CTNNA2: variants seen among roughly 807,000 people sequenced by gnomAD.
CTNNA2 encodes the protein catenin alpha-2.
In CTNNA2, 42 loss-of-function variants were observed where a neutral mutation model predicts 101.0. The ratio of observed to expected loss-of-function variants is 0.42; its 90% CI spans 0.32 to 0.54. The LOEUF is 0.54. Ranked by LOEUF, CTNNA2 falls within the 20% of genes least tolerant of loss-of-function variation. CTNNA2 has a pLI of 0.14. For synonymous variants in CTNNA2, 450 were observed against 456.4 expected (o/e 0.99, Z 0.18); for missense variants, 871 against 1,223.1 (o/e 0.71, Z 4.29).
chr2:79,519,536 G>A (rs1671992328), intron 1 of CTNNA2, among the ~76,000 whole-genome samples: 1 of 152,082 alleles, frequency 6.6e-6, no homozygotes, highest in Admixed American at 6.5e-5. Context: ...TCTGCCTTTT[G>A]AGTGACTTAG....
intron 7 of CTNNA2, among the ~76,000 whole-genome samples, chr2:79,970,986 A>G (rs1401503708): frequency 1.3e-5 from 2 of 152,176 alleles, no homozygotes; most frequent in Non-Finnish European, 1.5e-5. Flanking sequence ...TAGCAAGGAC[A>G]TTTACACAAA....
intron 1 of CTNNA2, among the ~76,000 whole-genome samples, chr2:79,520,108 T>C (rs1023374313): frequency 1.3e-5 from 2 of 152,186 alleles, no homozygotes; most frequent in African/African-American, 4.8e-5. Flanking sequence ...TAAAATTATT[T>C]TAGTAAAATT....
chr2:79,660,368 TACAC>T (rs1211638043), intron 2 of CTNNA2, among the ~76,000 whole-genome samples: 1 of 151,098 alleles, frequency 6.6e-6, no homozygotes, highest in Non-Finnish European at 1.5e-5. Flanking sequence ...ACTAAATACA[TACAC>T]ATATATAGTA....
intron 2 of CTNNA2, among the ~76,000 whole-genome samples, chr2:79,698,442 T>C (rs1325656891): frequency 1.3e-5 from 2 of 151,892 alleles, no homozygotes; most frequent in Admixed American, 6.6e-5. Flanking sequence ...TGTTTCAAAT[T>C]TGAAATAGTG....
intron 9 of CTNNA2, among the ~76,000 whole-genome samples, chr2:80,492,932 A>G (rs1453197395): frequency 1.3e-5 from 2 of 152,166 alleles, no homozygotes; most frequent in African/African-American, 2.4e-5. Flanking sequence ...CCCGAATTTC[A>G]TTTGATAGTT....
At chr2:80,467,603 G>T (rs1056626422) in intron 9 of CTNNA2, among the ~76,000 whole-genome samples, 1 of 152,174 alleles carries the variant, frequency 6.6e-6, no homozygotes, top group Non-Finnish European at 1.5e-5. Flanking sequence ...ACAATGCAAT[G>T]CTGACTTGAC....
chr2:79,372,672 T>G (rs116230081), intron 3 of CTNNA2, among the ~76,000 whole-genome samples: 136 of 152,248 alleles, frequency 8.9e-4, no homozygotes, highest in African/African-American at 3.2e-3. Context: ...TCAGGACAGA[T>G]CCCTTGAATC....
At chr2:79,600,800 G>A (rs1365902827) in intron 1 of CTNNA2, among the ~76,000 whole-genome samples, 1 of 152,110 alleles carries the variant, frequency 6.6e-6, no homozygotes, top group Non-Finnish European at 1.5e-5. Flanking sequence ...TCTGGTGAGG[G>A]CACTCTTTCT....
At chr2:80,287,044 G>A (rs1674832114) in intron 7 of CTNNA2, among the ~76,000 whole-genome samples, 2 of 152,166 alleles carry the variant, frequency 1.3e-5, no homozygotes, top group Non-Finnish European at 2.9e-5. Context: ...GAAAAGAGAT[G>A]TCCTGAACAG....
At chr2:80,096,906 A>T (rs1264540043) in intron 7 of CTNNA2, among the ~76,000 whole-genome samples, 1 of 152,070 alleles carries the variant, frequency 6.6e-6, no homozygotes, top group African/African-American at 2.4e-5. Context: ...GTGTCTCTGC[A>T]TGTGAGATGG....
intron 2 of CTNNA2, among the ~76,000 whole-genome samples, chr2:79,281,280 C>T (rs574937551): frequency 6.6e-5 from 10 of 152,210 alleles, no homozygotes; most frequent in East Asian, 5.8e-4. Context: ...GATCAGATGA[C>T]GCAAGACAAG....
At chr2:79,816,711 C>T (rs190991810) in intron 3 of CTNNA2, among the ~76,000 whole-genome samples, 2 of 152,326 alleles carry the variant, frequency 1.3e-5, no homozygotes, top group Admixed American at 1.3e-4. Context: ...ACTAGCAATA[C>T]ATGTTAACAT....
At chr2:80,146,880 G>GT (rs905204126) in intron 7 of CTNNA2, among the ~76,000 whole-genome samples, 11 of 149,138 alleles carry the variant, frequency 7.4e-5, no homozygotes, top group African/African-American at 2.7e-4. Context: ...TCCCACCAAA[G>GT]TAACTGGGAT....
At chr2:80,328,915 AG>A (rs1359958697) in intron 7 of CTNNA2, among the ~76,000 whole-genome samples, 2 of 152,192 alleles carry the variant, frequency 1.3e-5, no homozygotes, top group African/African-American at 4.8e-5. Context: ...GCCAATATGA[AG>A]GACCATGTAT....
At chr2:80,243,967 C>A (rs756613819) in intron 7 of CTNNA2, among the ~76,000 whole-genome samples, 13 of 152,210 alleles carry the variant, frequency 8.5e-5, no homozygotes, top group Admixed American at 2.6e-4. Flanking sequence ...GACATCAATG[C>A]AGCAGCCTGC....
At chr2:79,368,401 C>T (rs181634498) in intron 3 of CTNNA2, among the ~76,000 whole-genome samples, 5 of 152,330 alleles carry the variant, frequency 3.3e-5, no homozygotes, top group Non-Finnish European at 7.3e-5. Flanking sequence ...TTAGAATTCC[C>T]TTCTGCAATA....
chr2:79,210,115 T>TGTGTGTGTG (rs1572979854), intron 2 of CTNNA2, among the ~76,000 whole-genome samples: 1 of 151,674 alleles, frequency 6.6e-6, no homozygotes, highest in Non-Finnish European at 1.5e-5. Context: ...TGTGTGTGTG[T>TGTGTGTGTG]TTAAGCAGAA....
chr2:79,754,055 G>A (rs188252161), intron 3 of CTNNA2, among the ~76,000 whole-genome samples: 10 of 151,988 alleles, frequency 6.6e-5, no homozygotes, highest in Admixed American at 2.0e-4. Flanking sequence ...TTCTAGTAGA[G>A]ACAGGGTTTC....
intron 3 of CTNNA2, among the ~76,000 whole-genome samples, chr2:79,353,031 G>A (rs1235663781): frequency 6.6e-6 from 1 of 152,104 alleles, no homozygotes; most frequent in African/African-American, 2.4e-5. Context: ...GCACTAGGGA[G>A]ATGGTGCTGA....
Sources: allele counts gnomAD v4.1 joint callset (sites outside exome capture counted in the v4.1 genomes callset), GRCh38; gene constraint gnomAD v4.1.1; transcripts MANE v1.5; gene names NCBI Gene and HGNC (gene_info 2026-07-23, HGNC 2026-07-21).